The following RUSF1 variants were observed in gnomAD, a reference collection of about 807,000 sequenced individuals.
RUSF1 encodes RUS family member 1.
Under a neutral mutation model 63.0 loss-of-function variants are expected in RUSF1, and 58 were observed. That is an observed-to-expected ratio of 0.92 (90% CI 0.75 to 1.15). RUSF1 has a LOEUF of 1.15. RUSF1 is among the 50% of genes most tolerant of loss of function. The pLI is 0.00. For synonymous variants in RUSF1, 274 were observed against 255.8 expected, an observed-to-expected ratio of 1.07 and a Z score of -0.68; for missense variants, 652 against 611.0, an observed-to-expected ratio of 1.07 and a Z score of -0.71.
chr16:31,504,191 C>A (rs1239864102), intron 2 of RUSF1, among the ~76,000 whole-genome samples: 1 of 152,112 alleles, frequency 6.6e-6, no homozygotes, highest in Non-Finnish European at 1.5e-5. Context: ...TGAGCCACGG[C>A]ACCTGGCCTT....
chr16:31,501,369 G>C (rs2082632005), intron 2 of RUSF1, among the ~76,000 whole-genome samples: 1 of 152,092 alleles, frequency 6.6e-6, no homozygotes, highest in South Asian at 2.1e-4. Flanking sequence ...TTTGGGCCCA[G>C]GGACTGCTTG....
intron 5 of RUSF1, 51 bp downstream of exon 5, chr16:31,499,251 C>G (rs755271010): frequency 1.3e-6 from 2 of 1,498,960 alleles, no homozygotes; most frequent in Non-Finnish European, 1.9e-6. Context: ...TAAACTCACA[C>G]ACTACCAAGG....
rs762905419 is a variant in RUSF1, at chr16:31,508,266, G to C, written c.108C>G (p.Val36=). Residue 36 remains valine (V), a synonymous_variant, in exon 1 of 13, where the codon GTC becomes GTG. Coordinates refer to ENST00000327237, the MANE Select transcript of RUSF1 (RefSeq NM_022744.4). ...AGAGCCCCCACCAGCGCCAGCCCCC[G>C]ACCTCCCACTGCAGGCTCCCGTCCG... The part of the protein sequence containing the change: ...AAADGSLQWE[V]GGWRWWGLSR... The C allele has an allele frequency of 1.3e-6, 2 of 1,567,724 alleles. No homozygotes were observed. The highest frequency in any genetic ancestry group is 2.4e-5 in the East Asian group (1 of 42,304).
Position 31,490,562 on chromosome 16 carries a change from C to T in RUSF1, c.*273G>A. On this transcript the variant is annotated 3_prime_UTR_variant, in exon 13 of 13. Transcript: ENST00000327237. ...ACCAACTGCGTTGGACACCATAAGCCACAGCCTCACAGGAAGTGGGGGTGA... is the reference window on the plus strand; with the variant it reads ...ACCAACTGCGTTGGACACCATAAGCTACAGCCTCACAGGAAGTGGGGGTGA... 1 of 1,558,302 alleles carries T rather than the reference C, an allele frequency of 6.4e-7. No homozygotes were observed.
intron 10 of RUSF1, 27 bp downstream of exon 10, chr16:31,492,949 CTT>C: frequency 6.3e-7 from 1 of 1,592,430 alleles, no homozygotes; most frequent in Non-Finnish European, 8.6e-7. Context: ...GAGGGTGCGT[CTT>C]AGGCTGGGAG....
intron 2 of RUSF1, among the ~76,000 whole-genome samples, chr16:31,504,587 C>A (rs573700048): frequency 7.2e-5 from 11 of 152,248 alleles, no homozygotes; most frequent in African/African-American, 2.6e-4. Flanking sequence ...GTTAAGCATT[C>A]CTAATCCAAA....
intron 2 of RUSF1, among the ~76,000 whole-genome samples, chr16:31,505,787 G>GA (rs1305750390): frequency 1.3e-5 from 2 of 152,178 alleles, no homozygotes; most frequent in Non-Finnish European, 2.9e-5. Flanking sequence ...CCATCCAGCA[G>GA]AACACTTCCT....
At chr16:31,494,409 C>T (rs2082591657) in intron 6 of RUSF1, among the ~76,000 whole-genome samples, 1 of 151,868 alleles carries the variant, frequency 6.6e-6, no homozygotes, top group Non-Finnish European at 1.5e-5. Flanking sequence ...CCTCTACTCC[C>T]AGCTACTCAG....
chr16:31,503,800 T>A (rs555940790), intron 2 of RUSF1, among the ~76,000 whole-genome samples: 4 of 152,312 alleles, frequency 2.6e-5, no homozygotes, highest in Non-Finnish European at 5.9e-5. Flanking sequence ...GTAGCTGGGA[T>A]TACAGGTGCA....
chr16:31,502,726 T>A (rs1031452407), intron 2 of RUSF1, among the ~76,000 whole-genome samples: 1 of 152,250 alleles, frequency 6.6e-6, no homozygotes, highest in East Asian at 1.9e-4. Context: ...TCCCTCACTT[T>A]AACCTCTTCC....
chr16:31,508,011 C>T, intron 1 of RUSF1, 63 bp downstream of exon 1: 1 of 1,549,818 alleles, frequency 6.5e-7, no homozygotes, highest in African/African-American at 1.4e-5. Flanking sequence ...CTCAGTCACC[C>T]GTCCATTATT....
At chr16:31,500,844 C>T (rs750843526) in intron 2 of RUSF1, 113 bp from the exon 3 acceptor site, 24 of 1,128,054 alleles carry the variant, frequency 2.1e-5, no homozygotes, top group African/African-American at 4.7e-5. Flanking sequence ...TTTGGGAACT[C>T]GGTCTGGTAC....
At chr16:31,494,958 G>A (rs2082594489) in intron 6 of RUSF1, among the ~76,000 whole-genome samples, 2 of 152,314 alleles carry the variant, frequency 1.3e-5, no homozygotes, top group South Asian at 2.1e-4. Flanking sequence ...ACAGGCATGA[G>A]CTGGAATAAC....
chr16:31,498,783 T>A (rs1567397379), intron 5 of RUSF1, among the ~76,000 whole-genome samples: 1 of 152,096 alleles, frequency 6.6e-6, no homozygotes, highest in African/African-American at 2.4e-5. Context: ...CACCTTAAAC[T>A]CCATCTTCAG....
chr16:31,496,852 G>A lies in RUSF1; in HGVS notation c.699C>T (p.Ser233=), dbSNP rs1185570457. The part of the protein sequence containing the change: ...NMADVSAKDS[S]QETLVNLAGL... The stretch of plus-strand genomic sequence containing the variant: ...TCCCTCCAGCTCTGGCACTCACCTG[G>A]CTGCTGTCCTTGGCTGACACGTCAG... The change falls in exon 6 of 13, where the codon AGC becomes AGT. Residue 233 remains serine (S), a synonymous_variant. Coordinates refer to ENST00000327237, the MANE Select transcript of RUSF1 (RefSeq NM_022744.4). 6.3e-7 allele frequency: 1 copy of A among 1,586,926 alleles called. No individual in the cohort carries two copies. Among genetic ancestry groups the A allele is most frequent in the Admixed American group, 1.8e-5 (1 of 56,406 alleles).
At chr16:31,507,529 T>A (rs993282899) in intron 2 of RUSF1, among the ~76,000 whole-genome samples, 1 of 152,136 alleles carries the variant, frequency 6.6e-6, no homozygotes, top group Admixed American at 6.5e-5. Context: ...ATCCAGATGA[T>A]TGAGACTCAG....
chr16:31,491,271 T>A (rs573630027), intron 12 of RUSF1, among the ~76,000 whole-genome samples: 2 of 152,056 alleles, frequency 1.3e-5, no homozygotes, highest in East Asian at 3.9e-4. Context: ...CTCCGTCCTA[T>A]AAACAGGGAA....
chr16:31,497,009 C>G, intron 5 of RUSF1, 59 bp from the exon 6 acceptor site: 1 of 1,380,908 alleles, frequency 7.2e-7, no homozygotes, highest in Non-Finnish European at 9.9e-7. Context: ...AACACAGGCA[C>G]TCAGACCAGC....
rs2082556088 is a variant in RUSF1 at position 31,490,488 on chromosome 16, C to G, written c.*347G>C. The G allele has an allele frequency of 6.2e-7, 1 of 1,613,932 alleles. No individual in the cohort carries two copies. On this transcript the variant is annotated 3_prime_UTR_variant, in exon 13 of 13. Coordinates refer to ENST00000327237, the MANE Select transcript of RUSF1 (RefSeq NM_022744.4). Reference sequence around the variant, plus strand: ...GGCCCGTGTGGTCAACCTCAATGCCCTGCTCATGATGGCAGTGGCCGTGTT... The same window carrying G: ...GGCCCGTGTGGTCAACCTCAATGCCGTGCTCATGATGGCAGTGGCCGTGTT...
Sources: allele counts gnomAD v4.1 joint callset (sites outside exome capture counted in the v4.1 genomes callset), GRCh38; gene constraint gnomAD v4.1.1; transcripts MANE v1.5; gene names NCBI Gene and HGNC (gene_info 2026-07-23, HGNC 2026-07-21).